Variants in MTUS2 observed in about 807,000 individuals in gnomAD.
The protein encoded by MTUS2 is microtubule-associated tumor suppressor candidate 2.
A neutral mutation model predicts 114.1 loss-of-function variants in MTUS2; 40 were observed. That is an observed-to-expected ratio of 0.35 (90% CI 0.27 to 0.46). The LOEUF (loss-of-function observed/expected upper bound fraction) is 0.46. MTUS2 is among the 20% of genes least tolerant of loss of function. MTUS2 has a pLI of 1.00. For missense variants in MTUS2, 1,679 were observed against 1,705.4 expected (o/e 0.98, Z 0.27); for synonymous variants, 688 against 672.0 (o/e 1.02, Z -0.37).
At position 29,495,133 on chromosome 13, in the gene MTUS2, G is replaced by A. The variant is rs1236916803; in HGVS notation, c.3580-2105G>A. ...CCGGAGGCAGAGGTAGCAGTGAGCC[G>A]TGATCGCGCCACTGCACTCCAACCT... On this transcript the variant is annotated intron_variant, in intron 12 of 15. Transcript: ENST00000612955. 3.5e-5 allele frequency among the ~76,000 whole-genome samples: 5 copies of A among 144,086 alleles called. No individual in the cohort carries two copies. The East Asian group carries it at 6.2e-4, about 18-fold the overall frequency. The allele number at this position is 144,086 out of a possible 152,430, so 94.5% of individuals were successfully genotyped here. A position where few individuals can be genotyped will look rare whatever the true frequency, so the allele number is the denominator to read the frequency against.
intron 8 of MTUS2, among the ~76,000 whole-genome samples, chr13:29,396,352 A>C (rs1873914890): frequency 6.6e-6 from 1 of 152,296 alleles, no homozygotes; most frequent in Middle Eastern, 3.4e-3. Flanking sequence ...GTGTTGAAAA[A>C]AATTCCAGAG....
chr13:28,910,897 A>G (rs1453734918), intron 2 of MTUS2, among the ~76,000 whole-genome samples: 1 of 76,046 alleles, frequency 1.3e-5, no homozygotes, highest in African/African-American at 5.3e-5. Flanking sequence ...TTTTTTTGAG[A>G]TGGAGTCTTG....
chr13:29,060,253 C>T (rs1888347725), intron 4 of MTUS2, among the ~76,000 whole-genome samples: 1 of 152,160 alleles, frequency 6.6e-6, no homozygotes, highest in South Asian at 2.1e-4. Flanking sequence ...GGAGTTGCCC[C>T]CACAAAATGT....
intron 6 of MTUS2, among the ~76,000 whole-genome samples, chr13:29,308,916 G>A (rs112682056): frequency 2.2e-5 from 3 of 135,016 alleles, no homozygotes; most frequent in African/African-American, 8.1e-5. Context: ...TGCTGGTGAG[G>A]TTGTGGAGAC....
In MTUS2 at chr13:29,270,325, CAGG is replaced by C. The variant is rs574538285; in HGVS notation, c.2645-11373_2645-11371del. ...TGCCCCTGAGGTAAAGCACCCCCCT[CAGG>C]AGGAGTCTGGCCCCAAAGGGAGGTC... is the stretch of plus-strand genomic sequence containing the variant. On this transcript the variant is annotated intron_variant, in intron 5 of 15. Coordinates refer to ENST00000612955, the MANE Select transcript of MTUS2 (RefSeq NM_001033602.4). Among the ~76,000 whole-genome samples the C allele has an allele frequency of 2.8e-3, 422 of 152,278 alleles. 3 individuals carry two copies. The highest frequency in any genetic ancestry group is 9.6e-3 in the African/African-American group (400 of 41,564).
chr13:29,331,411 G>T (rs992462924), intron 7 of MTUS2, among the ~76,000 whole-genome samples: 1 of 152,096 alleles, frequency 6.6e-6, no homozygotes, highest in East Asian at 1.9e-4. Flanking sequence ...CTTCCTGTTC[G>T]AATATGCTTT....
chr13:28,882,039 C>T (rs1399509197), intron 2 of MTUS2, among the ~76,000 whole-genome samples: 2 of 152,184 alleles, frequency 1.3e-5, no homozygotes, highest in East Asian at 3.9e-4. Flanking sequence ...ATCCTTCCCT[C>T]ACACCATGTG....
intron 14 of MTUS2, 90 bp downstream of exon 14, chr13:29,498,627 T>C: frequency 1.9e-6 from 3 of 1,556,498 alleles, no homozygotes; most frequent in Non-Finnish European, 2.6e-6. Flanking sequence ...CAGCCAGGTG[T>C]GTCCCTTACC....
chr13:29,061,301 G>C (rs1324251053), intron 4 of MTUS2, among the ~76,000 whole-genome samples: 1 of 152,082 alleles, frequency 6.6e-6, no homozygotes, highest in Non-Finnish European at 1.5e-5. Flanking sequence ...GCTGATTTCT[G>C]AAGTCTCTGT....
At chr13:28,840,930 C>G (rs1453338725) in intron 2 of MTUS2, among the ~76,000 whole-genome samples, 4 of 152,182 alleles carry the variant, frequency 2.6e-5, no homozygotes, top group Non-Finnish European at 4.4e-5. Flanking sequence ...CTAAACTGTG[C>G]TTTAAACTAA....
intron 5 of MTUS2, among the ~76,000 whole-genome samples, chr13:29,163,553 T>TG (rs1221329880): frequency 6.6e-6 from 1 of 152,184 alleles, no homozygotes; most frequent in African/African-American, 2.4e-5. Flanking sequence ...TGTGCATGTA[T>TG]GTGTTGAGTG....
chr13:29,317,507 C>T lies in MTUS2; in HGVS notation c.2807-7106C>T, dbSNP rs1471146243. On this transcript the variant is annotated intron_variant, in intron 6 of 15. Coordinates refer to ENST00000612955, the MANE Select transcript of MTUS2 (RefSeq NM_001033602.4). The stretch of plus-strand genomic sequence containing the variant: ...ACTGCGGACTGCAGTGGCGCAATCT[C>T]GGCTCACTGCAAGCTCCGCTTCCCG... Among the ~76,000 whole-genome samples the T allele has an allele frequency of 8.1e-4, 10 of 12,286 alleles. 4 individuals are homozygous for T. The Admixed American group carries it at 9.9e-3, about 12-fold the overall frequency. The allele number at this position is 12,286 out of a possible 152,430, so 8.1% of individuals were successfully genotyped here. A position where few individuals can be genotyped will look rare whatever the true frequency, so the allele number is the denominator to read the frequency against.
intron 8 of MTUS2, among the ~76,000 whole-genome samples, chr13:29,435,019 T>C (rs1422244678): frequency 2.0e-5 from 3 of 152,198 alleles, no homozygotes; most frequent in East Asian, 1.9e-4. Context: ...GGATGTTTCA[T>C]AGGAGTAGCT....
chr13:28,881,427 T>A (rs1373204029), intron 2 of MTUS2, among the ~76,000 whole-genome samples: 2 of 152,228 alleles, frequency 1.3e-5, no homozygotes, highest in Non-Finnish European at 2.9e-5. Context: ...TGAATAGTTC[T>A]GCAATAAACT....
At chr13:29,067,769 G>A (rs1417877746) in intron 4 of MTUS2, among the ~76,000 whole-genome samples, 1 of 152,120 alleles carries the variant, frequency 6.6e-6, no homozygotes, top group Non-Finnish European at 1.5e-5. Context: ...TTGGTGAAAG[G>A]TATGGGGGTG....
At chr13:28,915,823 TG>T (rs1880714591) in intron 2 of MTUS2, among the ~76,000 whole-genome samples, 1 of 151,956 alleles carries the variant, frequency 6.6e-6, no homozygotes, top group Non-Finnish European at 1.5e-5. Context: ...TTGTCCATTT[TG>T]CTTTGGATGC....
At chr13:29,463,296 G>A (rs1359993076) in intron 9 of MTUS2, among the ~76,000 whole-genome samples, 1 of 152,194 alleles carries the variant, frequency 6.6e-6, no homozygotes, top group Non-Finnish European at 1.5e-5. Context: ...CTCCAGGACT[G>A]TGGGGTCATA....
chr13:28,830,229 C>A (rs1214305932), intron 1 of MTUS2, among the ~76,000 whole-genome samples: 1 of 152,000 alleles, frequency 6.6e-6, no homozygotes, highest in Non-Finnish European at 1.5e-5. Context: ...TTTTTTAAAT[C>A]CAGTTTTCAA....
At chr13:28,960,815 G>A (rs578124368) in intron 2 of MTUS2, among the ~76,000 whole-genome samples, 1 of 152,166 alleles carries the variant, frequency 6.6e-6, no homozygotes, top group East Asian at 1.9e-4. Flanking sequence ...ACTGAAAACC[G>A]CTGAATCATA....
Sources: gnomAD v4.1 joint callset for allele counts (sites outside exome capture counted in the v4.1 genomes callset) on GRCh38, gnomAD v4.1.1 for gene constraint, MANE v1.5 for transcripts, NCBI Gene and HGNC (gene_info 2026-07-23, HGNC 2026-07-21) for gene names.